ZNF385B: variants seen among roughly 807,000 people sequenced by gnomAD.
The protein encoded by ZNF385B is zinc finger protein 533.
A neutral mutation model predicts 39.2 loss-of-function variants in ZNF385B; 23 were observed. The ratio of observed to expected loss-of-function variants is 0.59; its 90% CI spans 0.42 to 0.83. The LOEUF (loss-of-function observed/expected upper bound fraction) is 0.83, where lower values mean the gene tolerates loss of function less well. ZNF385B is among the 40% of genes least tolerant of loss of function. ZNF385B has a pLI of 0.00. For synonymous variants in ZNF385B, 205 were observed against 222.6 expected (o/e 0.92, Z 0.70); for missense variants, 552 against 598.9 (o/e 0.92, Z 0.82).
intron 3 of ZNF385B, among the ~76,000 whole-genome samples, chr2:179,720,187 C>T (rs1700592009): frequency 1.3e-5 from 2 of 151,888 alleles, no homozygotes; most frequent in South Asian, 4.2e-4. Flanking sequence ...AGGGTAAATC[C>T]AAAAACATAT....
intron 5 of ZNF385B, among the ~76,000 whole-genome samples, chr2:179,507,680 G>A (rs557960887): frequency 4.6e-5 from 7 of 152,142 alleles, no homozygotes; most frequent in South Asian, 2.1e-4. Flanking sequence ...TTCCTTTCAA[G>A]GCAGGAACTA....
intron 3 of ZNF385B, among the ~76,000 whole-genome samples, chr2:179,563,063 A>T (rs527251267): frequency 1.3e-5 from 2 of 152,330 alleles, no homozygotes; most frequent in Admixed American, 6.5e-5. Context: ...GTTCAAAAAG[A>T]CTAGGGCAGA....
chr2:179,583,018 T>C lies in ZNF385B; in HGVS notation c.299-38049A>G, dbSNP rs201199720. 7.2e-5 allele frequency among the ~76,000 whole-genome samples: 11 copies of C among 152,282 alleles called. No homozygotes were observed. In the East Asian group the frequency reaches 2.1e-3, roughly 29 times the overall value. On this transcript the variant is annotated intron_variant, in intron 3 of 9. Coordinates refer to ENST00000410066, the MANE Select transcript of ZNF385B (RefSeq NM_152520.6). ...GCATGAGCCATCTCGCCTGGCTAAT[T>C]TTGCATTTTTAGTAGAGACGGGGGT...
chr2:179,750,974 T>G (rs1037143441), intron 3 of ZNF385B, among the ~76,000 whole-genome samples: 4 of 152,280 alleles, frequency 2.6e-5, no homozygotes, highest in East Asian at 1.9e-4. Context: ...ATTATCATAC[T>G]GATGCATTCT....
At chr2:179,575,354 A>G (rs1317664913) in intron 3 of ZNF385B, among the ~76,000 whole-genome samples, 1 of 152,198 alleles carries the variant, frequency 6.6e-6, no homozygotes, top group Non-Finnish European at 1.5e-5. Flanking sequence ...CCAGAATTAT[A>G]TATTTCAACT....
intron 3 of ZNF385B, among the ~76,000 whole-genome samples, chr2:179,605,125 A>C (rs1257272773): frequency 6.6e-6 from 1 of 152,164 alleles, no homozygotes; most frequent in Non-Finnish European, 1.5e-5. Flanking sequence ...TGATTTTTCA[A>C]AATGCACAGC....
chr2:179,798,101 A>T (rs186678040), intron 1 of ZNF385B, among the ~76,000 whole-genome samples: 8 of 152,164 alleles, frequency 5.3e-5, no homozygotes, highest in African/African-American at 1.7e-4. Context: ...ATCATTACCA[A>T]CTTATGGATT....
intron 3 of ZNF385B, among the ~76,000 whole-genome samples, chr2:179,712,208 C>T (rs1700050298): frequency 6.6e-6 from 1 of 152,176 alleles, no homozygotes; most frequent in African/African-American, 2.4e-5. Flanking sequence ...CTTTCTCCCA[C>T]TGATAATACT....
At position 179,612,848 on chromosome 2, in the gene ZNF385B, C is replaced by T. The variant is rs1606816; in HGVS notation, c.299-67879G>A. ...AGTGAGTTCTCTGCAGCCCTGGGAA[C>T]GTCTAGAGATGCCATCCAGGAGCCA... On this transcript the variant is annotated intron_variant, in intron 3 of 9. Transcript: ENST00000410066. Among the ~76,000 whole-genome samples, 17 of 152,168 alleles carry T rather than the reference C, an allele frequency of 1.1e-4. 1 individual carries two copies. The East Asian group carries it at 1.9e-3, about 17-fold the overall frequency.
At chr2:179,774,265 T>G (rs1434862406) in intron 1 of ZNF385B, among the ~76,000 whole-genome samples, 1 of 151,418 alleles carries the variant, frequency 6.6e-6, no homozygotes, top group Non-Finnish European at 1.5e-5. Flanking sequence ...TGTGTGTGTG[T>G]GGTATATGTG....
At chr2:179,824,742 T>G (rs1260060124) in intron 1 of ZNF385B, among the ~76,000 whole-genome samples, 1 of 150,802 alleles carries the variant, frequency 6.6e-6, no homozygotes, top group African/African-American at 2.5e-5. Flanking sequence ...CCTAATATCT[T>G]AAGTGTGACT....
chr2:179,691,041 C>T (rs80219113), intron 3 of ZNF385B, among the ~76,000 whole-genome samples: 6,116 of 152,216 alleles, frequency 0.04, 169 homozygotes, highest in Middle Eastern at 0.058. Flanking sequence ...CAGCTATCAG[C>T]ACCTCTGTCA....
intron 1 of ZNF385B, among the ~76,000 whole-genome samples, chr2:179,811,723 G>A (rs1706744596): frequency 6.6e-6 from 1 of 151,932 alleles, no homozygotes; most frequent in Non-Finnish European, 1.5e-5. Flanking sequence ...ACACCATCCT[G>A]GACATTGGCC....
chr2:179,451,309 T>C (rs1016557765), intron 6 of ZNF385B, among the ~76,000 whole-genome samples: 3 of 150,372 alleles, frequency 2.0e-5, no homozygotes, highest in Non-Finnish European at 4.4e-5. Context: ...AAGTGAATGG[T>C]TGGAAGCAGA....
rs186900036 is a variant in ZNF385B, at chr2:179,624,206, C to T, written c.299-79237G>A. 1.6e-4 allele frequency among the ~76,000 whole-genome samples: 25 copies of T among 152,174 alleles called. No homozygotes were observed. The East Asian group carries it at 4.6e-3, about 28-fold the overall frequency. On this transcript the variant is annotated intron_variant, in intron 3 of 9. Coordinates refer to ENST00000410066, the MANE Select transcript of ZNF385B (RefSeq NM_152520.6). ...TTTCTCTAGGTATTTGCTATCTTTC[C>T]ACTTCCCCAAGTCCAACACCCTGTA...
intron 1 of ZNF385B, among the ~76,000 whole-genome samples, chr2:179,792,124 C>T (rs1705365575): frequency 6.6e-6 from 1 of 152,076 alleles, no homozygotes; most frequent in South Asian, 2.1e-4. Flanking sequence ...TTTTGGCACC[C>T]CCTAAAGTGT....
Position 179,530,235 on chromosome 2 carries a change from A to C in ZNF385B, c.442-11597T>G, listed in dbSNP as rs138259309. Among the ~76,000 whole-genome samples the C allele has an allele frequency of 2.4e-3, 365 of 152,332 alleles. 2 individuals carry two copies. The highest frequency in any genetic ancestry group is 8.3e-3 in the African/African-American group (344 of 41,596). ...ATTAAATTTCCATAACATAAAATTC[A>C]GTGCCAAAAATAAATCTGAGAAATA... On this transcript the variant is annotated intron_variant, in intron 4 of 9. Transcript: ENST00000410066.
intron 5 of ZNF385B, among the ~76,000 whole-genome samples, chr2:179,491,417 C>G (rs1409395132): frequency 6.6e-6 from 1 of 152,130 alleles, no homozygotes; most frequent in Non-Finnish European, 1.5e-5. Context: ...TGAAACCTGG[C>G]AAAGCATGCC....
chr2:179,736,847 G>T (rs1701792970), intron 3 of ZNF385B, among the ~76,000 whole-genome samples: 1 of 152,250 alleles, frequency 6.6e-6, no homozygotes, highest in East Asian at 1.9e-4. Context: ...GTGAGCACCT[G>T]TAGTCCCAGC....
Sources: gnomAD v4.1 joint callset for allele counts (sites outside exome capture counted in the v4.1 genomes callset) on GRCh38, gnomAD v4.1.1 for gene constraint, MANE v1.5 for transcripts, NCBI Gene and HGNC (gene_info 2026-07-23, HGNC 2026-07-21) for gene names.